Variants in JAML observed in about 807,000 individuals in gnomAD.
The protein encoded by JAML is junction adhesion molecule like.
A neutral mutation model predicts 39.3 loss-of-function variants in JAML; 25 were observed. The ratio of observed to expected loss-of-function variants is 0.64; its 90% confidence interval spans 0.46 to 0.89. The LOEUF is 0.89. Ranked by LOEUF, JAML falls within the 40% of genes least tolerant of loss-of-function variation. The probability of loss-of-function intolerance (pLI) is 0.00; values close to 1 mark genes in which losing one functional copy is unlikely to be tolerated. For synonymous variants in JAML, 162 were observed against 179.2 expected, an observed-to-expected ratio of 0.90 and a Z score of 0.77; for missense variants, 440 against 486.9, an observed-to-expected ratio of 0.90 and a Z score of 0.91.
intron 2 of JAML, 142 bp from the exon 3 acceptor site, chr11:118,212,703 C>T: frequency 6.7e-7 from 1 of 1,502,816 alleles, no homozygotes; most frequent in Non-Finnish European, 8.9e-7. Flanking sequence ...TGTTCAAAGG[C>T]AGCATGGCAT....
At chr11:118,203,114 G>C in intron 6 of JAML, 1 of 525,034 alleles carries the variant, frequency 1.9e-6, no homozygotes, top group South Asian at 1.5e-5. Flanking sequence ...ATCCTTCCCT[G>C]AGCTTCTGTA....
In JAML at chr11:118,200,505, A is replaced by G. The variant is rs752240984; in HGVS notation, c.880T>C (p.Leu294=). 2.5e-6 allele frequency: 4 copies of G among 1,613,998 alleles called. No individual in the cohort carries two copies. In the African/African-American group the frequency reaches 4.0e-5, roughly 16 times the overall value. Residue 294 remains leucine, a synonymous_variant, in exon 7 of 10, where the codon TTG becomes CTG. Coordinates refer to ENST00000356289, the MANE Select transcript of JAML (RefSeq NM_001098526.2). ...ATILLLPVLI[L]IVKKTCGNKS... ...TTTCCACAGGTCTTCTTCACGATCA[A>G]TATCAGAACAGGGAGCAGCAGGATT...
Position 118,214,593 on chromosome 11 carries a change from G to A in JAML, c.43+231C>T, listed in dbSNP as rs75990945. Reference sequence around the variant, plus strand: ...TAAGAGGGTCCCAGAACACCCTTTAGGACCCAAATGCATTCTGTTTCTAAT... The same window carrying A: ...TAAGAGGGTCCCAGAACACCCTTTAAGACCCAAATGCATTCTGTTTCTAAT... On this transcript the variant is annotated intron_variant, in intron 2 of 9. Transcript: ENST00000356289. Among the ~76,000 whole-genome samples the A allele has an allele frequency of 1.1e-3, 169 of 152,236 alleles. 3 individuals are homozygous for A. The East Asian group carries it at 0.031, about 28-fold the overall frequency.
intron 4 of JAML, among the ~76,000 whole-genome samples, chr11:118,208,140 A>G (rs982203295): frequency 6.6e-6 from 1 of 152,048 alleles, no homozygotes; most frequent in Admixed American, 6.6e-5. Context: ...TTGAGGCAGA[A>G]GGATCACTTG....
At chr11:118,217,757 G>A (rs1337233414) in intron 1 of JAML, among the ~76,000 whole-genome samples, 1 of 152,182 alleles carries the variant, frequency 6.6e-6, no homozygotes, top group Non-Finnish European at 1.5e-5. Context: ...AGGAAATGAG[G>A]CAGAGAATGA....
chr11:118,221,897 C>T (rs1395415284), intron 1 of JAML, among the ~76,000 whole-genome samples: 1 of 152,122 alleles, frequency 6.6e-6, no homozygotes, highest in African/African-American at 2.4e-5. Flanking sequence ...TTGGAGACAC[C>T]TTGTGTGTCC....
intron 1 of JAML, among the ~76,000 whole-genome samples, chr11:118,219,285 G>A (rs943780610): frequency 3.3e-4 from 50 of 152,348 alleles, no homozygotes; most frequent in African/African-American, 1.2e-3. Flanking sequence ...AAATGCTGGT[G>A]AGGATGCAGA....
chr11:118,206,442 T>G (rs1206423209), intron 4 of JAML, among the ~76,000 whole-genome samples: 2 of 152,192 alleles, frequency 1.3e-5, no homozygotes. Flanking sequence ...GACACCAACA[T>G]CTGCTTAGCA....
chr11:118,221,652 A>G (rs1949210848), intron 1 of JAML, among the ~76,000 whole-genome samples: 1 of 152,204 alleles, frequency 6.6e-6, no homozygotes, highest in Non-Finnish European at 1.5e-5. Flanking sequence ...GACCAGTGCC[A>G]GTCTACTGCC....
chr11:118,198,674 T>C (rs1166986444), intron 7 of JAML, among the ~76,000 whole-genome samples: 1 of 127,598 alleles, frequency 7.8e-6, no homozygotes. Flanking sequence ...AAGTCAGAAC[T>C]AAAAAAAAAA....
intron 9 of JAML, among the ~76,000 whole-genome samples, chr11:118,195,602 G>T (rs1948636929): frequency 6.6e-6 from 1 of 152,156 alleles, no homozygotes; most frequent in Non-Finnish European, 1.5e-5. Context: ...AGGGGCTACA[G>T]AAGTCTAAGC....
At chr11:118,198,521 G>T (rs988337636) in intron 7 of JAML, among the ~76,000 whole-genome samples, 1 of 152,048 alleles carries the variant, frequency 6.6e-6, no homozygotes, top group African/African-American at 2.4e-5. Flanking sequence ...GGCCTTTCCG[G>T]GGGGCGGAGC....
chr11:118,208,752 A>C (rs893503536), intron 4 of JAML, among the ~76,000 whole-genome samples: 1 of 152,272 alleles, frequency 6.6e-6, no homozygotes, highest in South Asian at 2.1e-4. Context: ...ATGTATTTTT[A>C]TTTGTAAGTT....
rs533294772 is a variant in JAML at position 118,194,278 on chromosome 11, G to C, written c.*47C>G. The C allele has an allele frequency of 6.6e-7, 1 of 1,517,182 alleles. No individual in the cohort carries two copies. The highest frequency in any genetic ancestry group is 1.4e-5 in the African/African-American group (1 of 72,942). 94.0% of individuals were successfully genotyped at this position (1,517,182 alleles called of 1,614,324 possible). On this transcript the variant is annotated 3_prime_UTR_variant, in exon 10 of 10. Coordinates refer to ENST00000356289, the MANE Select transcript of JAML (RefSeq NM_001098526.2). ...GGTAGAGTGGCCCAGGACACACACA[G>C]GAGAGAGTCTCCACCGCTGCTGAGA...
chr11:118,210,482 CGTACCTTTG>C lies in JAML; in HGVS notation c.420_424+4del. On this transcript the variant is annotated splice_donor_variant and splice_donor_region_variant and coding_sequence_variant and intron_variant, in exon 4 of 10. Transcript: ENST00000356289. LOFTEE classifies it high-confidence loss of function. ...TGGCCCCTCTTTAAGTAAGCATTTG[CGTACCTTTG>C]GGCTCCTCTGGAAGCACATGCAGTA... is the stretch of plus-strand genomic sequence containing the variant. 1.2e-6 allele frequency: 2 copies of C among 1,613,334 alleles called. No individual in the cohort carries two copies. The highest frequency in any genetic ancestry group is 8.5e-7 in the Non-Finnish European group (1 of 1,179,876).
At chr11:118,218,743 A>T (rs1008353469) in intron 1 of JAML, among the ~76,000 whole-genome samples, 7 of 152,230 alleles carry the variant, frequency 4.6e-5, no homozygotes, top group Admixed American at 4.6e-4. Flanking sequence ...TTTTATATAT[A>T]CATATTTAGC....
Position 118,210,587 on chromosome 11 carries a change from C to T in JAML, c.324G>A (p.Glu108=), listed in dbSNP as rs758151041. 4 of 1,614,238 alleles carry T rather than the reference C, an allele frequency of 2.5e-6. No homozygotes were observed. The highest frequency in any genetic ancestry group is 1.7e-5 in the Admixed American group (1 of 60,030). The change falls in exon 4 of 10, where the codon GAG becomes GAA. Residue 108 remains glutamate, a synonymous_variant. Transcript: ENST00000356289. ...CACAGATATAGGTTCCCTGGTCAGC[C>T]TCTTGCACATCTTGGAGCAGGAGAG... ...DGSLLLQDVQ[E]ADQGTYICEI...
chr11:118,199,170 C>T lies in JAML; in HGVS notation c.912-1079G>A, dbSNP rs143724331. Among the ~76,000 whole-genome samples the T allele has an allele frequency of 7.9e-3, 1,209 of 152,218 alleles. 12 individuals are homozygous for T. Among genetic ancestry groups the T allele is most frequent in the Middle Eastern group, 0.024 (7 of 294 alleles). On this transcript the variant is annotated intron_variant, in intron 7 of 9. Transcript: ENST00000356289. ...TCCCTATTTTTAATTATAAGCAAGA[C>T]GGCAGTTTTGCACAAATCTCAGCAT...
chr11:118,218,904 C>T (rs1472728036), intron 1 of JAML, among the ~76,000 whole-genome samples: 1 of 152,176 alleles, frequency 6.6e-6, no homozygotes, highest in African/African-American at 2.4e-5. Flanking sequence ...CTTCTCTTTC[C>T]AGATACTGAT....
Sources: allele counts gnomAD v4.1 joint callset (sites outside exome capture counted in the v4.1 genomes callset), GRCh38; gene constraint gnomAD v4.1.1; transcripts MANE v1.5; gene names NCBI Gene and HGNC (gene_info 2026-07-23, HGNC 2026-07-21).